HTR1F: variants seen among roughly 807,000 people sequenced by gnomAD.
The protein encoded by HTR1F is 5-hydroxytryptamine (serotonin) receptor 1F, G protein-coupled.
In HTR1F, 17 loss-of-function variants were observed where a neutral mutation model predicts 24.0. The ratio of observed to expected loss-of-function variants is 0.71; its 90% CI spans 0.48 to 1.06. The LOEUF (loss-of-function observed/expected upper bound fraction) is 1.06, where lower values mean the gene tolerates loss of function less well. HTR1F is among the 50% of genes least tolerant of loss of function. The probability of loss-of-function intolerance (pLI) is 0.00; values close to 1 mark genes in which losing one functional copy is unlikely to be tolerated. For synonymous variants in HTR1F, 186 were observed against 156.8 expected (o/e 1.19, Z -1.39); for missense variants, 391 against 427.8 (o/e 0.91, Z 0.76).
rs1277184709 is a variant in HTR1F at position 87,991,971 on chromosome 3, A to G, written c.*121A>G. ...AATACATGAAAACTGCTAAATTGAT[A>G]AGGCTATAATTTATATTTTAATAGC... is the stretch of plus-strand genomic sequence containing the variant. On this transcript the variant is annotated 3_prime_UTR_variant, in exon 3 of 3. Transcript: ENST00000319595. 9 of 762,972 alleles carry G rather than the reference A, an allele frequency of 1.2e-5. No individual in the cohort carries two copies. The highest frequency in any genetic ancestry group is 1.6e-5 in the Non-Finnish European group (8 of 485,432). The allele number at this position is 762,972 out of a possible 1,614,324, so 47.3% of individuals were successfully genotyped here.
intron 2 of HTR1F, among the ~76,000 whole-genome samples, chr3:87,925,801 C>T (rs1306949579): frequency 6.6e-6 from 1 of 152,088 alleles, no homozygotes; most frequent in African/African-American, 2.4e-5. Flanking sequence ...TAGAGATCTC[C>T]CCTTTACCAT....
chr3:87,839,749 T>C (rs1704760605), intron 2 of HTR1F, among the ~76,000 whole-genome samples: 1 of 152,118 alleles, frequency 6.6e-6, no homozygotes, highest in Admixed American at 6.6e-5. Flanking sequence ...CAATAGGTAG[T>C]TTTTTTCAAC....
At chr3:87,827,632 A>C (rs1246631270) in intron 2 of HTR1F, among the ~76,000 whole-genome samples, 1 of 152,226 alleles carries the variant, frequency 6.6e-6, no homozygotes, top group East Asian at 1.9e-4. Flanking sequence ...AAAATTAATC[A>C]TATTTTTCCA....
At chr3:87,803,146 T>C (rs192587543) in intron 1 of HTR1F, among the ~76,000 whole-genome samples, 44 of 152,320 alleles carry the variant, frequency 2.9e-4, no homozygotes, top group African/African-American at 1.0e-3. Flanking sequence ...AATTCATCTG[T>C]GAATTTTCCT....
chr3:87,992,398 G>C lies in HTR1F; in HGVS notation c.*548G>C, dbSNP rs1335848571. The stretch of plus-strand genomic sequence containing the variant: ...GTGTGACTGCAGAAAATGTAAAAAA[G>C]TCAGAGCTTGAAATTGTCCTTGTGT... On this transcript the variant is annotated 3_prime_UTR_variant, in exon 3 of 3. Coordinates refer to ENST00000319595, the MANE Select transcript of HTR1F (RefSeq NM_001322209.2). 1 of 167,060 alleles carries C rather than the reference G, an allele frequency of 6.0e-6. No homozygotes were observed. Among genetic ancestry groups the C allele is most frequent in the African/African-American group, 2.4e-5 (1 of 41,438 alleles). 10.3% of individuals were successfully genotyped at this position (167,060 alleles called of 1,614,324 possible).
At chr3:87,985,694 G>A (rs1433041765) in intron 2 of HTR1F, among the ~76,000 whole-genome samples, 1 of 152,212 alleles carries the variant, frequency 6.6e-6, no homozygotes, top group Non-Finnish European at 1.5e-5. Context: ...TGAGGTCTCA[G>A]TAGAATTGAA....
rs190236066 is a variant in HTR1F at position 87,898,591 on chromosome 3, A to G, written c.-43+76467A>G. On this transcript the variant is annotated intron_variant, in intron 2 of 2. Transcript: ENST00000319595. ...GTTTAATTAGAAAAAATAATTTTAT[A>G]TGAAAGATGAATTTATTTTTTCATT... is the stretch of plus-strand genomic sequence containing the variant. Among the ~76,000 whole-genome samples the G allele has an allele frequency of 3.9e-5, 6 of 152,302 alleles. No individual in the cohort carries two copies. The East Asian group carries it at 1.2e-3, about 29-fold the overall frequency.
chr3:87,876,979 A>T (rs1205959544), intron 2 of HTR1F, among the ~76,000 whole-genome samples: 5 of 152,108 alleles, frequency 3.3e-5, no homozygotes, highest in African/African-American at 4.8e-5. Flanking sequence ...TTACTAAAAT[A>T]AAAAAAGAAA....
rs555661548 is a variant in HTR1F, at chr3:87,932,528, G to T, written c.-42-58180G>T. 2.0e-5 allele frequency among the ~76,000 whole-genome samples: 3 copies of T among 152,160 alleles called. No individual in the cohort carries two copies. The South Asian group carries it at 6.2e-4, about 32-fold the overall frequency. On this transcript the variant is annotated intron_variant, in intron 2 of 2. Transcript: ENST00000319595. ...GCTTAGGATTGACTTGGCAATGTGG[G>T]CTCTTTTTTGGTTCCATATGAACTT...
chr3:87,980,384 C>A (rs959464152), intron 2 of HTR1F, among the ~76,000 whole-genome samples: 5 of 152,174 alleles, frequency 3.3e-5, no homozygotes, highest in African/African-American at 1.2e-4. Flanking sequence ...TGGGTAGCTC[C>A]TATCCATGGG....
intron 2 of HTR1F, among the ~76,000 whole-genome samples, chr3:87,904,871 G>C (rs989711917): frequency 6.6e-6 from 1 of 151,992 alleles, no homozygotes; most frequent in African/African-American, 2.4e-5. Context: ...GGAGACATAG[G>C]GATACTTATT....
At chr3:87,880,556 A>G (rs1446317837) in intron 2 of HTR1F, among the ~76,000 whole-genome samples, 2 of 152,160 alleles carry the variant, frequency 1.3e-5, no homozygotes, top group African/African-American at 4.8e-5. Flanking sequence ...TTTTCAAAAA[A>G]TATTTCTTCA....
intron 2 of HTR1F, among the ~76,000 whole-genome samples, chr3:87,841,382 A>C (rs1209447204): frequency 6.6e-6 from 1 of 151,894 alleles, no homozygotes; most frequent in African/African-American, 2.4e-5. Context: ...CAATCCTTTT[A>C]ATCAAATCTG....
chr3:87,980,652 A>T (rs1391982843), intron 2 of HTR1F, among the ~76,000 whole-genome samples: 3 of 127,370 alleles, frequency 2.4e-5, no homozygotes, highest in Non-Finnish European at 5.1e-5. Flanking sequence ...ACCATCAATT[A>T]CATCATCCAT....
At chr3:87,822,322 G>A (rs1410444163) in intron 2 of HTR1F, among the ~76,000 whole-genome samples, 198 bp downstream of exon 2, 1 of 152,150 alleles carries the variant, frequency 6.6e-6, no homozygotes, top group East Asian at 1.9e-4. Context: ...TGAAAGGAAG[G>A]ATGGGTCCAG....
At chr3:87,896,033 T>C (rs1706190037) in intron 2 of HTR1F, among the ~76,000 whole-genome samples, 2 of 152,280 alleles carry the variant, frequency 1.3e-5, no homozygotes, top group South Asian at 4.1e-4. Flanking sequence ...GTTTTTAAAA[T>C]AAAATGGAAA....
chr3:87,805,100 G>A lies in HTR1F; in HGVS notation c.-160+12258G>A, dbSNP rs113562493. Among the ~76,000 whole-genome samples, 605 of 152,046 alleles carry A rather than the reference G, an allele frequency of 4.0e-3. 7 individuals carry two copies. Among genetic ancestry groups the A allele is most frequent in the African/African-American group, 0.014 (574 of 41,494 alleles). On this transcript the variant is annotated intron_variant, in intron 1 of 2. Coordinates refer to ENST00000319595, the MANE Select transcript of HTR1F (RefSeq NM_001322209.2). ...TCTACTGGGTGTTTCTGTTTAAAGT[G>A]ATGAGTTCTATTTAGTTGCTCCCTT... is the stretch of plus-strand genomic sequence containing the variant.
intron 2 of HTR1F, among the ~76,000 whole-genome samples, chr3:87,936,845 A>T (rs1321459880): frequency 6.6e-6 from 1 of 152,110 alleles, no homozygotes; most frequent in African/African-American, 2.4e-5. Flanking sequence ...TCATCTCTAA[A>T]CACCTCTATG....
intron 2 of HTR1F, among the ~76,000 whole-genome samples, chr3:87,983,058 AACAG>A (rs1705586458): frequency 6.6e-6 from 1 of 152,202 alleles, no homozygotes; most frequent in Non-Finnish European, 1.5e-5. Context: ...CATTGGAGCC[AACAG>A]ACAAACTAAC....
Sources: allele counts gnomAD v4.1 joint callset (sites outside exome capture counted in the v4.1 genomes callset), GRCh38; gene constraint gnomAD v4.1.1; transcripts MANE v1.5; gene names NCBI Gene and HGNC (gene_info 2026-07-23, HGNC 2026-07-21).